Variants in LRRC4C observed in about 807,000 individuals in gnomAD.
The protein encoded by LRRC4C is leucine rich repeat containing 4C, also known as leucine-rich repeat-containing protein 4C.
In LRRC4C, 5 loss-of-function variants were observed where a neutral mutation model predicts 33.6. The observed-to-expected ratio is 0.15, with a 90% CI of 0.08 to 0.31. The LOEUF (loss-of-function observed/expected upper bound fraction) is 0.31. LRRC4C is among the 10% of genes least tolerant of loss of function. LRRC4C has a pLI of 1.00. For missense variants in LRRC4C, 560 were observed against 796.7 expected, an observed-to-expected ratio of 0.70 and a Z score of 3.58; for synonymous variants, 329 against 302.0, an observed-to-expected ratio of 1.09 and a Z score of -0.93.
At chr11:40,669,598 A>G (rs1943983087) in intron 2 of LRRC4C, among the ~76,000 whole-genome samples, 1 of 152,120 alleles carries the variant, frequency 6.6e-6, no homozygotes, top group African/African-American at 2.4e-5. Flanking sequence ...CTGATCTTTA[A>G]TCAGCACTTG....
At chr11:41,062,648 C>T (rs984717200) in intron 1 of LRRC4C, among the ~76,000 whole-genome samples, 3 of 152,126 alleles carry the variant, frequency 2.0e-5, no homozygotes, top group African/African-American at 7.2e-5. Flanking sequence ...ATAATCTTTA[C>T]TGGGTAGCAT....
chr11:41,274,834 G>A (rs571211566), intron 1 of LRRC4C, among the ~76,000 whole-genome samples: 9 of 152,142 alleles, frequency 5.9e-5, no homozygotes, highest in Non-Finnish European at 1.0e-4. Flanking sequence ...TTGAATCAGC[G>A]AGACCACGAA....
intron 2 of LRRC4C, among the ~76,000 whole-genome samples, chr11:40,746,974 G>T (rs1948459254): frequency 6.6e-6 from 1 of 152,190 alleles, no homozygotes; most frequent in Admixed American, 6.5e-5. Context: ...GGGCCTGAGA[G>T]CCTTCCCTTT....
At chr11:40,801,636 T>C (rs1477069431) in intron 2 of LRRC4C, among the ~76,000 whole-genome samples, 2 of 152,182 alleles carry the variant, frequency 1.3e-5, no homozygotes, top group African/African-American at 4.8e-5. Flanking sequence ...ACCATCTATG[T>C]TTATATCTAA....
At chr11:41,131,561 T>C (rs1301361671) in intron 1 of LRRC4C, among the ~76,000 whole-genome samples, 3 of 152,092 alleles carry the variant, frequency 2.0e-5, no homozygotes, top group Non-Finnish European at 2.9e-5. Context: ...ACTTTGTTAT[T>C]GTCAGAAGCA....
At chr11:41,284,001 T>C (rs1473035723) in intron 1 of LRRC4C, among the ~76,000 whole-genome samples, 1 of 152,232 alleles carries the variant, frequency 6.6e-6, no homozygotes, top group Non-Finnish European at 1.5e-5. Flanking sequence ...GTGAAAGTTA[T>C]ACGTATTTGA....
intron 2 of LRRC4C, among the ~76,000 whole-genome samples, chr11:40,666,556 A>G (rs1200107037): frequency 4.6e-5 from 7 of 152,132 alleles, no homozygotes; most frequent in Non-Finnish European, 1.0e-4. Context: ...TGTCTCAAAA[A>G]TGGTTCAAAT....
intron 4 of LRRC4C, among the ~76,000 whole-genome samples, chr11:40,294,481 G>C (rs950091876): frequency 6.6e-6 from 1 of 152,088 alleles, no homozygotes; most frequent in African/African-American, 2.4e-5. Context: ...TCAGGTTGCA[G>C]GTTAAGAGCC....
At chr11:40,454,251 C>A (rs1952030058) in intron 3 of LRRC4C, among the ~76,000 whole-genome samples, 1 of 151,614 alleles carries the variant, frequency 6.6e-6, no homozygotes, top group Admixed American at 6.6e-5. Flanking sequence ...GTGCAACTTA[C>A]CATAGTTAAA....
At chr11:40,608,908 A>G (rs2135866259) in intron 3 of LRRC4C, among the ~76,000 whole-genome samples, 1 of 152,284 alleles carries the variant, frequency 6.6e-6, no homozygotes, top group East Asian at 1.9e-4. Context: ...ATCAACATCA[A>G]CACTCCGAAA....
chr11:40,265,270 T>C (rs1227463487), intron 4 of LRRC4C, among the ~76,000 whole-genome samples: 1 of 152,236 alleles, frequency 6.6e-6, no homozygotes, highest in Non-Finnish European at 1.5e-5. Flanking sequence ...TCTCATTACT[T>C]TGTCCTTTTG....
intron 1 of LRRC4C, among the ~76,000 whole-genome samples, chr11:41,274,877 T>C (rs1335924799): frequency 6.6e-6 from 1 of 152,022 alleles, no homozygotes; most frequent in Non-Finnish European, 1.5e-5. Flanking sequence ...GGACACAATA[T>C]GGTTTGGATG....
Position 40,777,832 on chromosome 11 carries a change from C to T in LRRC4C, c.-406-129554G>A, listed in dbSNP as rs7931087. ...CCTCCCGAGTAGCTGGGACTACAGG[C>T]GCCCGCCACCATGCCCAGCTAATTT... On this transcript the variant is annotated intron_variant, in intron 2 of 6. Transcript: ENST00000528697. 5.8e-3 allele frequency among the ~76,000 whole-genome samples: 875 copies of T among 151,930 alleles called. 7 individuals are homozygous for T. Among genetic ancestry groups the T allele is most frequent in the African/African-American group, 0.017 (709 of 41,426 alleles).
chr11:40,494,123 C>T (rs960345191), intron 3 of LRRC4C, among the ~76,000 whole-genome samples: 1 of 152,074 alleles, frequency 6.6e-6, no homozygotes, highest in African/African-American at 2.4e-5. Flanking sequence ...TCGTGGGGTT[C>T]CACCATTCCC....
At chr11:40,244,345 G>A (rs983674476) in intron 4 of LRRC4C, among the ~76,000 whole-genome samples, 21 of 151,878 alleles carry the variant, frequency 1.4e-4, no homozygotes. Flanking sequence ...CTCTCCCAAA[G>A]CACAGGATAA....
At chr11:41,030,406 C>T (rs1856648566) in intron 1 of LRRC4C, among the ~76,000 whole-genome samples, 1 of 151,772 alleles carries the variant, frequency 6.6e-6, no homozygotes. Flanking sequence ...TATGTTCAGA[C>T]CTGTATCATA....
At chr11:41,022,861 C>T (rs879627361) in intron 1 of LRRC4C, among the ~76,000 whole-genome samples, 2 of 151,874 alleles carry the variant, frequency 1.3e-5, no homozygotes, top group African/African-American at 2.4e-5. Context: ...GAAGAGAACA[C>T]TCTTCTGCCA....
chr11:40,534,350 G>C (rs966672650), intron 3 of LRRC4C, among the ~76,000 whole-genome samples: 1 of 151,978 alleles, frequency 6.6e-6, no homozygotes, highest in Non-Finnish European at 1.5e-5. Flanking sequence ...TATATACATA[G>C]TACTTAAAAA....
intron 2 of LRRC4C, among the ~76,000 whole-genome samples, chr11:40,931,912 T>G (rs1254946867): frequency 6.6e-6 from 1 of 152,100 alleles, no homozygotes; most frequent in African/African-American, 2.4e-5. Context: ...AGAGGATCGA[T>G]CCTTCAGTAC....
Sources: gnomAD v4.1 joint callset for allele counts (sites outside exome capture counted in the v4.1 genomes callset) on GRCh38, gnomAD v4.1.1 for gene constraint, MANE v1.5 for transcripts, NCBI Gene and HGNC (gene_info 2026-07-23, HGNC 2026-07-21) for gene names.